PAGE1: variants seen among roughly 807,000 people sequenced by gnomAD.
PAGE1 encodes PAGE family member 1.
In PAGE1, 6 loss-of-function variants were observed where a neutral mutation model predicts 11.5. The observed-to-expected ratio is 0.52, with a 90% confidence interval of 0.29 to 1.03. PAGE1 has a LOEUF of 1.03. Among genes scored for constraint, PAGE1 ranks in the 50% least tolerant of loss-of-function variants. The pLI is 0.09. For missense variants in PAGE1, 120 were observed against 110.2 expected, an observed-to-expected ratio of 1.09 and a Z score of -0.40; for synonymous variants, 42 against 40.2, an observed-to-expected ratio of 1.05 and a Z score of -0.17.
At chrX:49,689,340 C>A (rs2066894893) in intron 5 of PAGE1, 78 bp downstream of exon 5, 1 of 917,255 alleles carries the variant, frequency 1.1e-6, no homozygotes, top group South Asian at 2.5e-5. Flanking sequence ...GACTCTGTCT[C>A]AAAAAAATAA....
chrX:49,694,021 G>GACACACACACAC (rs565227923), intron 3 of PAGE1, 78 bp downstream of exon 3: 97 of 363,507 alleles, frequency 2.7e-4, no homozygotes, highest in South Asian at 3.7e-4. Context: ...CAATGCATGA[G>GACACACACACAC]ACACACACAC....
At chrX:49,689,305 C>A (rs1424580752) in intron 5 of PAGE1, 113 bp downstream of exon 5, 16 of 757,374 alleles carry the variant, frequency 2.1e-5, no homozygotes, top group Non-Finnish European at 2.7e-5. Context: ...GGCACCACTG[C>A]ACTCCAGCCT....
Position 49,690,070 on chromosome X carries a change from CAT to C in PAGE1, c.293-529_293-528del, listed in dbSNP as rs782728817. On this transcript the variant is annotated intron_variant, in intron 4 of 5. Coordinates refer to ENST00000376150, the MANE Select transcript of PAGE1 (RefSeq NM_003785.4). Reference sequence around the variant, plus strand: ...ATGTGTATATATGTGTATATACACACATATATATGTGTATATATGTGTATATA... The same window carrying C: ...ATGTGTATATATGTGTATATACACACATATATGTGTATATATGTGTATATA... 8.8e-3 allele frequency among the ~76,000 whole-genome samples: 522 copies of C among 59,194 alleles called. 13 individuals carry two copies. Among genetic ancestry groups the C allele is most frequent in the Non-Finnish European group, 0.013 (413 of 33,010 alleles). The allele number at this position is 59,194 out of a possible 115,157, so 51.4% of individuals were successfully genotyped here. A position where few individuals can be genotyped will look rare whatever the true frequency, so the allele number is the denominator to read the frequency against.
intron 3 of PAGE1, among the ~76,000 whole-genome samples, chrX:49,691,890 A>G (rs1006041038): frequency 3.6e-5 from 4 of 112,181 alleles, no homozygotes; most frequent in African/African-American, 9.7e-5. Context: ...GAATCCCAGC[A>G]CTTTGGGAGA....
chrX:49,689,599 T>TATATACATATAC (rs1557141593), intron 4 of PAGE1, 56 bp from the exon 5 acceptor site: 1 of 74,331 alleles, frequency 1.3e-5, no homozygotes, highest in African/African-American at 9.0e-5. Flanking sequence ...TATATATATA[T>TATATACATATAC]ATATATATAT....
intron 4 of PAGE1, 118 bp downstream of exon 4, chrX:49,691,131 T>C (rs1019977605): frequency 5.6e-5 from 39 of 697,120 alleles, no homozygotes; most frequent in Middle Eastern, 5.2e-4. Flanking sequence ...TGAGCCAAGA[T>C]TGAGCCACTG....
Position 49,689,255 on chromosome X carries a change from C to T in PAGE1, c.418+163G>A, listed in dbSNP as rs184493073. The stretch of plus-strand genomic sequence containing the variant: ...ACTTGGGAGGCTGAGGGAGGAGAAT[C>T]ACTTGAACTTGGGAGGCAGAAGCTC... On this transcript the variant is annotated intron_variant, in intron 5 of 5. Transcript: ENST00000376150. Among the ~76,000 whole-genome samples the T allele has an allele frequency of 1.7e-3, 183 of 108,459 alleles. 1 individual carries two copies. Among genetic ancestry groups the T allele is most frequent in the Middle Eastern group, 4.7e-3 (1 of 214 alleles). 94.2% of individuals were successfully genotyped at this position (108,459 alleles called of 115,157 possible). A position where few individuals can be genotyped will look rare whatever the true frequency, so the allele number is the denominator to read the frequency against.
intron 3 of PAGE1, among the ~76,000 whole-genome samples, chrX:49,692,488 T>C (rs1371413588): frequency 9.0e-6 from 1 of 111,515 alleles, no homozygotes; most frequent in Non-Finnish European, 1.9e-5. Context: ...CTATTAACAA[T>C]TGGTGAATCT....
chrX:49,693,419 A>G (rs2066928062), intron 3 of PAGE1, among the ~76,000 whole-genome samples: 1 of 112,033 alleles, frequency 8.9e-6, no homozygotes, highest in Non-Finnish European at 1.9e-5. Context: ...TTTTGCTTCA[A>G]AATATTTTAT....
At chrX:49,694,049 CACACACACACACACA>C (rs2147147147) in intron 3 of PAGE1, 35 bp downstream of exon 3, 1 of 698,793 alleles carries the variant, frequency 1.4e-6, no homozygotes, top group South Asian at 2.4e-5. Flanking sequence ...CACACACACA[CACACACACACACACA>C]CCCCAACAGG....
chrX:49,693,256 T>C (rs2066927443), intron 3 of PAGE1, among the ~76,000 whole-genome samples: 1 of 111,642 alleles, frequency 9.0e-6, no homozygotes, highest in Non-Finnish European at 1.9e-5. Flanking sequence ...GCACCAAAAA[T>C]AACACTATTT....
At chrX:49,689,360 T>C in intron 5 of PAGE1, 58 bp downstream of exon 5, 1 of 964,006 alleles carries the variant, frequency 1.0e-6, no homozygotes, top group Non-Finnish European at 1.3e-6. Flanking sequence ...ATAATTATTA[T>C]AATATGATAC....
At chrX:49,688,753 G>C (rs2066892692) in intron 5 of PAGE1, among the ~76,000 whole-genome samples, 1 of 112,044 alleles carries the variant, frequency 8.9e-6, no homozygotes, top group Admixed American at 9.5e-5. Context: ...TGCTGTAAGA[G>C]CTGGTATTAG....
Position 49,691,323 on chromosome X carries a change from C to T in PAGE1, c.218G>A (p.Cys73Tyr), listed in dbSNP as rs782259336. The T allele has an allele frequency of 8.3e-7, 1 of 1,208,070 alleles. No individual in the cohort carries two copies. The highest frequency in any genetic ancestry group is 1.7e-5 in the African/African-American group (1 of 57,436). Reference sequence around the variant, plus strand: ...GGTATCAGGACCATCTCCAAGCTCACACCCAGTCTTTGGCTGAACCAGTTC... The same window carrying T: ...GGTATCAGGACCATCTCCAAGCTCATACCCAGTCTTTGGCTGAACCAGTTC... ...SQELVQPKTG[C>Y]ELGDGPDTKR... Residue 73 changes from cysteine to tyrosine, a missense_variant, in exon 4 of 6, where the codon TGT becomes TAT. Transcript: ENST00000376150.
At chrX:49,690,868 A>C (rs1368057841) in intron 4 of PAGE1, among the ~76,000 whole-genome samples, 11 of 105,011 alleles carry the variant, frequency 1.0e-4, no homozygotes, top group African/African-American at 3.6e-4. Context: ...CTACTAAAAT[A>C]CAAAAAAAAA....
chrX:49,689,744 GTA>G (rs199757078), intron 4 of PAGE1, among the ~76,000 whole-genome samples: 12 of 54,052 alleles, frequency 2.2e-4, no homozygotes, highest in Non-Finnish European at 3.0e-4. Context: ...ACACATATAT[GTA>G]TATGTGTATA....
intron 2 of PAGE1, among the ~76,000 whole-genome samples, 164 bp from the exon 3 acceptor site, chrX:49,694,365 C>T (rs1183331576): frequency 9.0e-6 from 1 of 111,637 alleles, no homozygotes; most frequent in African/African-American, 3.3e-5. Context: ...GTTAATAAGG[C>T]TACTCTACCC....
At chrX:49,693,854 C>G (rs915158181) in intron 3 of PAGE1, among the ~76,000 whole-genome samples, 1 of 111,036 alleles carries the variant, frequency 9.0e-6, no homozygotes, top group Admixed American at 9.7e-5. Flanking sequence ...ACACAATCCC[C>G]GGGCCTCCAT....
chrX:49,694,354 G>A (rs1039139009), intron 2 of PAGE1, among the ~76,000 whole-genome samples, 153 bp from the exon 3 acceptor site: 2 of 111,409 alleles, frequency 1.8e-5, no homozygotes, highest in African/African-American at 6.5e-5. Context: ...TATTCTATAT[G>A]GTTAATAAGG....
Sources: allele counts gnomAD v4.1 joint callset (sites outside exome capture counted in the v4.1 genomes callset), GRCh38; gene constraint gnomAD v4.1.1; transcripts MANE v1.5; gene names NCBI Gene and HGNC (gene_info 2026-07-23, HGNC 2026-07-21).